The following WDSUB1 variants were observed in gnomAD, a reference collection of about 807,000 sequenced individuals.
WDSUB1 encodes the protein WD repeat, sterile alpha motif and U-box domain containing 1.
Under a neutral mutation model 53.9 loss-of-function variants are expected in WDSUB1, and 49 were observed. That is an observed-to-expected ratio of 0.91 (90% CI 0.72 to 1.15). The LOEUF (loss-of-function observed/expected upper bound fraction) is 1.15, where lower values mean the gene tolerates loss of function less well. WDSUB1 is among the 50% of genes most tolerant of loss of function. The pLI is 0.00. For synonymous variants in WDSUB1, 194 were observed against 200.6 expected, an observed-to-expected ratio of 0.97 and a Z score of 0.28; for missense variants, 514 against 562.0, an observed-to-expected ratio of 0.91 and a Z score of 0.86.
In WDSUB1 at chr2:159,235,983, A is replaced by C. The variant is rs1037078247; in HGVS notation, c.*50T>G. On this transcript the variant is annotated 3_prime_UTR_variant, in exon 11 of 11. Coordinates refer to ENST00000359774, the MANE Select transcript of WDSUB1 (RefSeq NM_001128212.3). Reference sequence around the variant, plus strand: ...ATGTCTGATTAGTATTTACCTATAAATCATTCAAATGAGATCACTGAAAAT... The same window carrying C: ...ATGTCTGATTAGTATTTACCTATAACTCATTCAAATGAGATCACTGAAAAT... 1 of 1,508,562 alleles carries C rather than the reference A, an allele frequency of 6.6e-7. No homozygotes were observed. The highest frequency in any genetic ancestry group is 2.2e-5 in the Admixed American group (1 of 45,022). The allele number at this position is 1,508,562 out of a possible 1,614,324, so 93.4% of individuals were successfully genotyped here. A position where few individuals can be genotyped will look rare whatever the true frequency, so the allele number is the denominator to read the frequency against.
chr2:159,266,164 G>A (rs72961919), intron 5 of WDSUB1, among the ~76,000 whole-genome samples: 53,560 of 151,944 alleles, frequency 0.35, 12,415 homozygotes, highest in Non-Finnish European at 0.54. Flanking sequence ...AGCTCTTTAG[G>A]GTAATAACTT....
chr2:159,285,705 A>G (rs1431693900), intron 1 of WDSUB1, among the ~76,000 whole-genome samples: 3 of 152,190 alleles, frequency 2.0e-5, no homozygotes, highest in Non-Finnish European at 4.4e-5. Context: ...GACCCCATCA[A>G]TCAATCAAAC....
At chr2:159,243,393 G>A (rs1400149361) in intron 10 of WDSUB1, among the ~76,000 whole-genome samples, 1 of 147,486 alleles carries the variant, frequency 6.8e-6, no homozygotes, top group Non-Finnish European at 1.5e-5. Context: ...CCTCTAGACA[G>A]GATAAGACTG....
intron 5 of WDSUB1, among the ~76,000 whole-genome samples, chr2:159,265,549 A>T (rs1438868102): frequency 2.0e-5 from 3 of 152,112 alleles, no homozygotes. Context: ...CTCTACAAAA[A>T]ATACAAAACT....
chr2:159,252,718 T>A (rs534732545), intron 9 of WDSUB1, among the ~76,000 whole-genome samples: 1 of 152,212 alleles, frequency 6.6e-6, no homozygotes, highest in Admixed American at 6.5e-5. Context: ...AACGAATTAA[T>A]AAGAACCGAA....
At chr2:159,256,442 G>C in intron 8 of WDSUB1, 67 bp from the exon 9 acceptor site, 1 of 1,480,936 alleles carries the variant, frequency 6.8e-7, no homozygotes. Flanking sequence ...TTCTCACTTT[G>C]AATTAAAAGT....
intron 10 of WDSUB1, among the ~76,000 whole-genome samples, chr2:159,243,106 A>T (rs1048283475): frequency 1.4e-5 from 2 of 147,972 alleles, no homozygotes; most frequent in African/African-American, 5.2e-5. Context: ...TGGGTTTTTT[A>T]AAAAAATTCA....
intron 4 of WDSUB1, among the ~76,000 whole-genome samples, chr2:159,274,732 C>A (rs2061505975): frequency 6.6e-6 from 1 of 152,188 alleles, no homozygotes; most frequent in South Asian, 2.1e-4. Flanking sequence ...CTTCTGTGCA[C>A]AGAGCTTCTA....
chr2:159,281,796 G>A (rs1010216882), intron 2 of WDSUB1, among the ~76,000 whole-genome samples: 9 of 152,046 alleles, frequency 5.9e-5, no homozygotes, highest in African/African-American at 2.2e-4. Context: ...GCCAACATGG[G>A]GAAACCCAGT....
At chr2:159,280,873 C>G (rs1215498357) in intron 2 of WDSUB1, among the ~76,000 whole-genome samples, 1 of 152,054 alleles carries the variant, frequency 6.6e-6, no homozygotes, top group Non-Finnish European at 1.5e-5. Flanking sequence ...ACAATTAACA[C>G]ACTGTCCCAT....
chr2:159,248,575 C>T (rs760886585), intron 9 of WDSUB1, 63 bp from the exon 10 acceptor site: 9 of 1,392,488 alleles, frequency 6.5e-6, no homozygotes, highest in Non-Finnish European at 8.4e-6. Flanking sequence ...AGGATACTAC[C>T]AGTAATCCTT....
chr2:159,248,871 G>A (rs1409311410), intron 9 of WDSUB1, among the ~76,000 whole-genome samples: 1 of 152,188 alleles, frequency 6.6e-6, no homozygotes, highest in Non-Finnish European at 1.5e-5. Flanking sequence ...CTCTCAAAGT[G>A]CTGGGATTAC....
intron 4 of WDSUB1, among the ~76,000 whole-genome samples, chr2:159,272,097 G>A (rs532612312): frequency 1.3e-5 from 2 of 152,320 alleles, no homozygotes; most frequent in Admixed American, 1.3e-4. Flanking sequence ...AGGGCAATCT[G>A]TAAGACCACT....
intron 5 of WDSUB1, among the ~76,000 whole-genome samples, chr2:159,265,073 A>G (rs1363877454): frequency 6.7e-6 from 1 of 148,816 alleles, no homozygotes; most frequent in Admixed American, 6.7e-5. Context: ...AACAAGAGCG[A>G]AACTCCATCT....
intron 5 of WDSUB1, among the ~76,000 whole-genome samples, chr2:159,269,000 A>T (rs1015216364): frequency 6.6e-6 from 1 of 152,300 alleles, no homozygotes; most frequent in East Asian, 1.9e-4. Flanking sequence ...ACAAACAAAC[A>T]AAACAGAAGC....
intron 3 of WDSUB1, among the ~76,000 whole-genome samples, 155 bp downstream of exon 3, chr2:159,279,606 A>C (rs1384934269): frequency 6.6e-6 from 1 of 152,206 alleles, no homozygotes; most frequent in Non-Finnish European, 1.5e-5. Flanking sequence ...TTTTTGGTCA[A>C]AAAAGAGAGA....
intron 10 of WDSUB1, among the ~76,000 whole-genome samples, chr2:159,239,493 A>C (rs1490426798): frequency 7.7e-6 from 1 of 129,820 alleles, no homozygotes; most frequent in African/African-American, 3.9e-5. Context: ...TTTCCCTTTC[A>C]AGTTTTTTTT....
intron 3 of WDSUB1, among the ~76,000 whole-genome samples, chr2:159,279,428 TG>T (rs1307922823): frequency 6.6e-6 from 1 of 152,212 alleles, no homozygotes; most frequent in Non-Finnish European, 1.5e-5. Context: ...TAATTGCAAT[TG>T]TATCAATAGG....
chr2:159,257,681 C>T, intron 8 of WDSUB1, 77 bp downstream of exon 8: 1 of 1,332,074 alleles, frequency 7.5e-7, no homozygotes, highest in Non-Finnish European at 1.1e-6. Flanking sequence ...AGCCGCGGTG[C>T]CCAGCCCGAT....
Sources: gnomAD v4.1 joint callset for allele counts (sites outside exome capture counted in the v4.1 genomes callset) on GRCh38, gnomAD v4.1.1 for gene constraint, MANE v1.5 for transcripts, NCBI Gene and HGNC (gene_info 2026-07-23, HGNC 2026-07-21) for gene names.